Variants in SDK1 observed in about 807,000 individuals in gnomAD.
SDK1 encodes sidekick cell adhesion molecule 1.
A neutral mutation model predicts 245.5 loss-of-function variants in SDK1; 157 were observed. The observed-to-expected ratio is 0.64, with a 90% CI of 0.56 to 0.73. The LOEUF is 0.73. Ranked by LOEUF, SDK1 falls within the 30% of genes least tolerant of loss-of-function variation. SDK1 has a pLI of 0.00. For missense variants in SDK1, 3,583 were observed against 3,002.3 expected, an observed-to-expected ratio of 1.19 and a Z score of -4.52; for synonymous variants, 1,647 against 1,278.5, an observed-to-expected ratio of 1.29 and a Z score of -6.15.
chr7:3,582,329 G>C (rs1780528324), intron 1 of SDK1, among the ~76,000 whole-genome samples: 1 of 149,034 alleles, frequency 6.7e-6, no homozygotes, highest in Admixed American at 6.7e-5. Flanking sequence ...TCTCAGGTAG[G>C]TCTGTCTCAG....
intron 5 of SDK1, among the ~76,000 whole-genome samples, chr7:3,913,572 C>T (rs750461204): frequency 1.3e-5 from 2 of 152,100 alleles, no homozygotes; most frequent in Non-Finnish European, 2.9e-5. Flanking sequence ...ACATTACAGG[C>T]GTGAGCCACC....
chr7:3,391,623 T>C lies in SDK1; in HGVS notation c.298+89739T>C, dbSNP rs150978858. 7.0e-3 allele frequency among the ~76,000 whole-genome samples: 1,034 copies of C among 148,428 alleles called. 13 individuals are homozygous for C. The highest frequency in any genetic ancestry group is 0.025 in the African/African-American group (992 of 39,746). ...AAAAGAATAAAAGTATATACATGTA[T>C]CCTGTTAACTGATTTTTTTTTTTTT... is the stretch of plus-strand genomic sequence containing the variant. On this transcript the variant is annotated intron_variant, in intron 1 of 44. Transcript: ENST00000404826.
chr7:3,850,842 A>G (rs1780401139), intron 5 of SDK1, among the ~76,000 whole-genome samples: 1 of 132,670 alleles, frequency 7.5e-6, no homozygotes, highest in African/African-American at 2.8e-5. Context: ...GGAACATCAC[A>G]CACCGGGGCC....
intron 9 of SDK1, 139 bp downstream of exon 9, chr7:3,962,990 C>T (rs1781819863): frequency 2.4e-6 from 1 of 421,106 alleles, no homozygotes; most frequent in Non-Finnish European, 3.8e-6. Context: ...TGAGTACACT[C>T]AGCTCCATGG....
chr7:3,869,953 C>A (rs1780917830), intron 5 of SDK1, among the ~76,000 whole-genome samples: 1 of 152,124 alleles, frequency 6.6e-6, no homozygotes, highest in Non-Finnish European at 1.5e-5. Flanking sequence ...TTTATTGTTT[C>A]CTCAGTATTG....
At chr7:3,453,904 G>C (rs1780597743) in intron 1 of SDK1, among the ~76,000 whole-genome samples, 1 of 151,898 alleles carries the variant, frequency 6.6e-6, no homozygotes, top group African/African-American at 2.4e-5. Context: ...TTTCCTCCCG[G>C]CACATTTGGA....
chr7:4,246,554 C>A (rs1002028332), intron 44 of SDK1, among the ~76,000 whole-genome samples: 1 of 152,128 alleles, frequency 6.6e-6, no homozygotes, highest in Non-Finnish European at 1.5e-5. Flanking sequence ...GCTTCCTGCT[C>A]ACCCCTGGAC....
chr7:3,454,773 G>C (rs775361874), intron 1 of SDK1, among the ~76,000 whole-genome samples: 2 of 152,168 alleles, frequency 1.3e-5, no homozygotes, highest in African/African-American at 4.8e-5. Flanking sequence ...GTTACTTTCA[G>C]TTGTTGAGCT....
intron 4 of SDK1, among the ~76,000 whole-genome samples, chr7:3,660,337 T>A (rs1345632778): frequency 6.6e-6 from 1 of 151,720 alleles, no homozygotes; most frequent in Non-Finnish European, 1.5e-5. Flanking sequence ...TGATTCTACA[T>A]AAGCAGCTTG....
At chr7:3,502,117 A>T (rs2128608505) in intron 1 of SDK1, among the ~76,000 whole-genome samples, 1 of 152,166 alleles carries the variant, frequency 6.6e-6, no homozygotes, top group Non-Finnish European at 1.5e-5. Flanking sequence ...TATTAGACAA[A>T]CGTGTGAGTT....
chr7:3,630,078 A>T (rs1371269324), intron 2 of SDK1, among the ~76,000 whole-genome samples: 1 of 152,226 alleles, frequency 6.6e-6, no homozygotes, highest in South Asian at 2.1e-4. Context: ...ACTATCCAAA[A>T]TAAAAGGCAG....
chr7:3,368,409 G>A (rs1451361753), intron 1 of SDK1, among the ~76,000 whole-genome samples: 1 of 152,164 alleles, frequency 6.6e-6, no homozygotes, highest in African/African-American at 2.4e-5. Context: ...TTTCTCCAAT[G>A]GATTTCAAAT....
intron 1 of SDK1, among the ~76,000 whole-genome samples, chr7:3,427,993 A>G (rs1779723900): frequency 6.6e-6 from 1 of 152,164 alleles, no homozygotes; most frequent in Non-Finnish European, 1.5e-5. Context: ...TGAGTTTACC[A>G]GTGTTTCAGT....
intron 1 of SDK1, among the ~76,000 whole-genome samples, chr7:3,456,047 A>G (rs1780655066): frequency 2.0e-5 from 3 of 152,166 alleles, no homozygotes; most frequent in African/African-American, 7.2e-5. Context: ...CACTTGAAAA[A>G]TGTGTTGAAA....
At chr7:3,336,219 G>C (rs1780195831) in intron 1 of SDK1, among the ~76,000 whole-genome samples, 1 of 152,218 alleles carries the variant, frequency 6.6e-6, no homozygotes, top group African/African-American at 2.4e-5. Flanking sequence ...AGAGCAGGCA[G>C]CATGCTTCGG....
intron 1 of SDK1, among the ~76,000 whole-genome samples, chr7:3,341,106 A>C (rs777140637): frequency 6.6e-6 from 1 of 152,194 alleles, no homozygotes; most frequent in Non-Finnish European, 1.5e-5. Context: ...ATGAACTTAA[A>C]GGCAATGATC....
At chr7:3,406,103 G>A (rs939519815) in intron 1 of SDK1, among the ~76,000 whole-genome samples, 5 of 152,006 alleles carry the variant, frequency 3.3e-5, no homozygotes, top group African/African-American at 4.8e-5. Context: ...GTGAGCCACC[G>A]CTCCTCGTCT....
intron 35 of SDK1, among the ~76,000 whole-genome samples, chr7:4,182,500 G>A (rs372727369): frequency 3.3e-5 from 5 of 152,210 alleles, no homozygotes; most frequent in African/African-American, 1.2e-4. Flanking sequence ...GGGAAACCCT[G>A]CACCCAGGGA....
At chr7:3,754,981 G>A (rs761030881) in intron 4 of SDK1, among the ~76,000 whole-genome samples, 14 of 152,172 alleles carry the variant, frequency 9.2e-5, no homozygotes, top group South Asian at 2.1e-4. Context: ...CTAATTTCTG[G>A]AAAGGCTTTG....
Sources: allele counts gnomAD v4.1 joint callset (sites outside exome capture counted in the v4.1 genomes callset), GRCh38; gene constraint gnomAD v4.1.1; transcripts MANE v1.5; gene names NCBI Gene and HGNC (gene_info 2026-07-23, HGNC 2026-07-21).